The following CARS2 variants were observed in gnomAD, a reference collection of about 807,000 sequenced individuals.
CARS2 encodes cysteinyl-tRNA synthetase 2, mitochondrial.
CARS2 carries 52 observed loss-of-function variants against 68.8 expected under a neutral mutation model. The ratio of observed to expected loss-of-function variants is 0.76; its 90% CI spans 0.61 to 0.95. CARS2 has a LOEUF of 0.95. CARS2 is among the 40% of genes least tolerant of loss of function. The pLI, the probability that CARS2 is intolerant of heterozygous loss-of-function variation, is 0.00. For missense variants in CARS2, 780 were observed against 754.2 expected, an observed-to-expected ratio of 1.03 and a Z score of -0.40; for synonymous variants, 314 against 303.6, an observed-to-expected ratio of 1.03 and a Z score of -0.36.
chr13:110,712,563 A>C, intron 1 of CARS2: 1 of 290,850 alleles, frequency 3.4e-6, no homozygotes, highest in Non-Finnish European at 6.8e-6. Context: ...CCGGTCGCCT[A>C]GGCAACGGGC....
intron 3 of CARS2, among the ~76,000 whole-genome samples, chr13:110,693,461 G>A (rs1002832438): frequency 3.9e-5 from 6 of 152,032 alleles, no homozygotes; most frequent in Non-Finnish European, 1.5e-5. Flanking sequence ...CCAGGTTCAC[G>A]CCATTCTCCT....
intron 6 of CARS2, among the ~76,000 whole-genome samples, chr13:110,679,095 A>G (rs899881374): frequency 3.9e-5 from 6 of 152,232 alleles, no homozygotes; most frequent in African/African-American, 1.4e-4. Flanking sequence ...TTTGAGTATC[A>G]GTGTGACCTA....
chr13:110,642,191 G>A, intron 14 of CARS2, 124 bp downstream of exon 14: 1 of 747,410 alleles, frequency 1.3e-6, no homozygotes, highest in Non-Finnish European at 2.2e-6. Context: ...TGGGTGACAA[G>A]AGTGAAACTC....
intron 9 of CARS2, among the ~76,000 whole-genome samples, chr13:110,662,473 A>G (rs2062537967): frequency 6.6e-6 from 1 of 152,096 alleles, no homozygotes; most frequent in South Asian, 2.1e-4. Context: ...CCTGTGCTCC[A>G]CCTCCACGTG....
At chr13:110,713,206 G>C (rs2139961906) in exon 1 of CARS2, 5 of 1,421,998 alleles carry the variant, frequency 3.5e-6, no homozygotes, top group Non-Finnish European at 4.6e-6. Context: ...TGGCTACTGC[G>C]GTTGCCAGTT....
intron 7 of CARS2, among the ~76,000 whole-genome samples, chr13:110,673,638 C>T (rs1342933786): frequency 6.6e-6 from 1 of 152,100 alleles, no homozygotes; most frequent in Admixed American, 6.6e-5. Context: ...GAAGCATTCC[C>T]TTTGAAAACT....
intron 1 of CARS2, among the ~76,000 whole-genome samples, chr13:110,711,820 C>T (rs2064030729): frequency 6.6e-6 from 1 of 152,224 alleles, no homozygotes; most frequent in African/African-American, 2.4e-5. Flanking sequence ...CTTTGCCGTA[C>T]TCACATCCAT....
chr13:110,698,669 G>A (rs761079454), intron 3 of CARS2, among the ~76,000 whole-genome samples: 1 of 151,990 alleles, frequency 6.6e-6, no homozygotes, highest in Non-Finnish European at 1.5e-5. Context: ...TGATTAGGCC[G>A]TGAGGGCCCC....
At chr13:110,646,339 C>T (rs530355392) in intron 11 of CARS2, 5 of 379,990 alleles carry the variant, frequency 1.3e-5, no homozygotes, top group Non-Finnish European at 1.4e-5. Context: ...ACAAGACACA[C>T]GTGGGCATTT....
chr13:110,691,838 G>C (rs2063467582), intron 3 of CARS2, among the ~76,000 whole-genome samples: 1 of 151,752 alleles, frequency 6.6e-6, no homozygotes, highest in African/African-American at 2.4e-5. Flanking sequence ...GAGGGTTAGG[G>C]GGTGCAGGGA....
At chr13:110,686,973 T>C (rs1237232874) in intron 5 of CARS2, among the ~76,000 whole-genome samples, 1 of 152,038 alleles carries the variant, frequency 6.6e-6, no homozygotes, top group Non-Finnish European at 1.5e-5. Flanking sequence ...CTCCCGCAAC[T>C]CACTCGTAAT....
chr13:110,667,955 C>T (rs778307692), intron 7 of CARS2, among the ~76,000 whole-genome samples: 6 of 152,308 alleles, frequency 3.9e-5, no homozygotes, highest in South Asian at 2.1e-4. Flanking sequence ...ATAAAAACCG[C>T]GTTTCTGCAA....
chr13:110,642,676 G>A, intron 13 of CARS2, 155 bp from the exon 14 acceptor site: 1 of 801,946 alleles, frequency 1.2e-6, no homozygotes, highest in South Asian at 1.4e-5. Context: ...GGCAGGGATG[G>A]GTACAGCCCG....
chr13:110,683,108 T>C lies in CARS2; in HGVS notation c.598A>G (p.Arg200Gly). 4 of 1,600,928 alleles carry C rather than the reference T, an allele frequency of 2.5e-6. No individual in the cohort carries two copies. The highest frequency in any genetic ancestry group is 4.6e-5 in the East Asian group (2 of 43,748). ...KGNVYFDLKS[R>G]GDKYGKLVGV... ...ACCAATTTGCCATACTTGTCTCCTCTAGACTTCAGATCGAAGTAGACATTG... is the reference window on the plus strand; with the variant it reads ...ACCAATTTGCCATACTTGTCTCCTCCAGACTTCAGATCGAAGTAGACATTG... The change falls in exon 6 of 15, where the codon AGA becomes GGA. Residue 200 changes from arginine (R) to glycine (G), a missense_variant. Transcript: ENST00000257347.
Position 110,663,459 on chromosome 13 carries a change from T to C in CARS2, c.979A>G (p.Thr327Ala), listed in dbSNP as rs2062564715. The C allele has an allele frequency of 6.2e-7, 1 of 1,613,172 alleles. No individual in the cohort carries two copies. The highest frequency in any genetic ancestry group is 1.3e-5 in the African/African-American group (1 of 74,832). ...TACAAAAAGCACGTTACCTTAATAG[T>C]AATGTAGTTCTTTAATGATTTGGAC... is the stretch of plus-strand genomic sequence containing the variant. ...KMSKSLKNYITIKDFLKTFSP... is the reference protein window; with the variant it reads ...KMSKSLKNYIAIKDFLKTFSP... Residue 327 changes from threonine (T) to alanine (A), a missense_variant, in exon 9 of 15, where the codon ACT becomes GCT. Transcript: ENST00000257347.
At chr13:110,711,525 T>C (rs1297015886) in intron 1 of CARS2, among the ~76,000 whole-genome samples, 1 of 152,238 alleles carries the variant, frequency 6.6e-6, no homozygotes, top group Non-Finnish European at 1.5e-5. Context: ...AGTGTTATAG[T>C]CTTTTGTGCA....
chr13:110,647,104 T>C lies in CARS2; in HGVS notation c.1190A>G (p.Glu397Gly). The stretch of plus-strand genomic sequence containing the variant: ...GGGTGCTAGGCGGGCCTCTTACCTC[T>C]CCCACAGCATCGCTTCCCTGACGGA... ...CGSVREAMLW[E>G]RLSSTKRAVK... The change falls in exon 11 of 15, where the codon GAG becomes GGG. Residue 397 changes from glutamate (E) to glycine (G), a missense_variant. Coordinates refer to ENST00000257347, the MANE Select transcript of CARS2 (RefSeq NM_024537.4). 1 of 1,583,200 alleles carries C rather than the reference T, an allele frequency of 6.3e-7. No individual in the cohort carries two copies. Among genetic ancestry groups the C allele is most frequent in the African/African-American group, 1.3e-5 (1 of 74,532 alleles).
At chr13:110,680,959 G>A (rs527787306) in intron 6 of CARS2, among the ~76,000 whole-genome samples, 174 of 152,368 alleles carry the variant, frequency 1.1e-3, no homozygotes, top group African/African-American at 3.9e-3. Flanking sequence ...CGGCCAGGGC[G>A]TGGGACCCGG....
chr13:110,709,287 T>C (rs1353839556), upstream of CARS2, among the ~76,000 whole-genome samples: 1 of 150,262 alleles, frequency 6.7e-6, no homozygotes, highest in African/African-American at 2.5e-5. Context: ...ACAGATGGGG[T>C]TTCTCCATGT....
Sources: gnomAD v4.1 joint callset for allele counts (sites outside exome capture counted in the v4.1 genomes callset) on GRCh38, gnomAD v4.1.1 for gene constraint, MANE v1.5 for transcripts, NCBI Gene and HGNC (gene_info 2026-07-23, HGNC 2026-07-21) for gene names.